RBM24: variants seen among roughly 807,000 people sequenced by gnomAD.
The protein encoded by RBM24 is RNA binding motif protein 24.
Under a neutral mutation model 23.6 loss-of-function variants are expected in RBM24, and 5 were observed. The ratio of observed to expected loss-of-function variants is 0.21; its 90% CI spans 0.11 to 0.45. The LOEUF (loss-of-function observed/expected upper bound fraction) is 0.45, where lower values mean the gene tolerates loss of function less well. Among genes scored for constraint, RBM24 ranks in the 20% least tolerant of loss-of-function variants. The probability of loss-of-function intolerance (pLI) is 0.99; values close to 1 mark genes in which losing one functional copy is unlikely to be tolerated. For missense variants in RBM24, 252 were observed against 314.6 expected, an observed-to-expected ratio of 0.80 and a Z score of 1.51; for synonymous variants, 151 against 129.5, an observed-to-expected ratio of 1.17 and a Z score of -1.13.
Position 17,290,955 on chromosome 6 carries a change from A to G in RBM24, c.348-801A>G, listed in dbSNP as rs1046677856. ...GGGAAAAAAAAGAGAAAGAAAGAAA[A>G]TAAGTGTGCTGCACATCTCTTTGGG... On this transcript the variant is annotated intron_variant, in intron 3 of 3. Transcript: ENST00000379052. 6 of 1,041,124 alleles carry G rather than the reference A, an allele frequency of 5.8e-6. No homozygotes were observed. In the African/African-American group the frequency reaches 8.2e-5, roughly 14 times the overall value. 64.5% of individuals were successfully genotyped at this position (1,041,124 alleles called of 1,614,324 possible).
chr6:17,291,876 A>G lies in RBM24; in HGVS notation c.468A>G (p.Ala156=), dbSNP rs757039823. 36 of 1,614,026 alleles carry G rather than the reference A, an allele frequency of 2.2e-5. No individual in the cohort carries two copies. The highest frequency in any genetic ancestry group is 2.9e-5 in the Non-Finnish European group (34 of 1,180,006). ...CTTACATTGATTACACTGGAGCTGC[A>G]TACGCACAATACTCAGCAGCTGCTG... is the stretch of plus-strand genomic sequence containing the variant. The part of the protein sequence containing the change: ...TTPYIDYTGA[A]YAQYSAAAAA... Residue 156 remains alanine (A), a synonymous_variant, in exon 4 of 4, where the codon GCA becomes GCG. Coordinates refer to ENST00000379052, the MANE Select transcript of RBM24 (RefSeq NM_001143942.2).
chr6:17,281,983 G>A lies in RBM24; in HGVS notation c.168+234G>A. 1 of 1,369,564 alleles carries A rather than the reference G, an allele frequency of 7.3e-7. No individual in the cohort carries two copies. Among genetic ancestry groups the A allele is most frequent in the Non-Finnish European group, 9.5e-7 (1 of 1,054,734 alleles). 84.8% of individuals were successfully genotyped at this position (1,369,564 alleles called of 1,614,324 possible). A position where few individuals can be genotyped will look rare whatever the true frequency, so the allele number is the denominator to read the frequency against. On this transcript the variant is annotated intron_variant, in intron 1 of 3. Transcript: ENST00000379052. This position sits in a 1 kb window ranked among gnomAD's most constrained non-coding sequence, Gnocchi z 7.1. ...GCGAGGTCGGGGGCCGGGCAGGGCA[G>A]AGCAGGGGTGAAAGGAGAGACCTGT...
intron 2 of RBM24, among the ~76,000 whole-genome samples, chr6:17,284,076 A>G (rs1760118484): frequency 1.3e-5 from 2 of 152,198 alleles, no homozygotes; most frequent in Admixed American, 6.5e-5. Flanking sequence ...GAAGAGGTTG[A>G]CACTTCCATC....
rs1393651014 is a variant in RBM24, at chr6:17,281,730, A to G, written c.149A>G (p.Lys50Arg). 3 of 1,550,870 alleles carry G rather than the reference A, an allele frequency of 1.9e-6. No homozygotes were observed. Among genetic ancestry groups the G allele is most frequent in the African/African-American group, 1.4e-5 (1 of 73,030 alleles). Residue 50 changes from lysine (K) to arginine (R), a missense_variant, in exon 1 of 4, where the codon AAG becomes AGG. Lys to Arg is a conservative substitution (Grantham distance 26). Transcript: ENST00000379052. The surrounding 1 kb of genome is among the most constrained non-coding windows in gnomAD (Gnocchi z 7.1). Reference protein sequence around the residue: ...AVVITDRQTGKSRGYGFVTMA... With the variant: ...AVVITDRQTGRSRGYGFVTMA... The stretch of plus-strand genomic sequence containing the variant: ...GTCATCACCGACCGGCAGACGGGCA[A>G]GTCCCGGGGCTATGGATTTGTAAGT...
chr6:17,286,312 G>A (rs1019174646), intron 3 of RBM24, among the ~76,000 whole-genome samples: 1 of 151,612 alleles, frequency 6.6e-6, no homozygotes, highest in African/African-American at 2.4e-5. Flanking sequence ...GAAAACAAGT[G>A]GTGGGTTGAT....
Position 17,281,862 on chromosome 6 carries a change from A to G in RBM24, c.168+113A>G. ...GACCCGTGAGGAGCCCCGCGGGTAG[A>G]GCGGCGCTGCCCCTTCGCTCCGGGG... On this transcript the variant is annotated intron_variant, in intron 1 of 3. Coordinates refer to ENST00000379052, the MANE Select transcript of RBM24 (RefSeq NM_001143942.2). The surrounding 1 kb of genome is among the most constrained non-coding windows in gnomAD (Gnocchi z 7.1). The G allele has an allele frequency of 7.1e-7, 1 of 1,404,954 alleles. No homozygotes were observed. Among genetic ancestry groups the G allele is most frequent in the South Asian group, 1.3e-5 (1 of 78,668 alleles). The allele number at this position is 1,404,954 out of a possible 1,614,324, so 87.0% of individuals were successfully genotyped here. A position where few individuals can be genotyped will look rare whatever the true frequency, so the allele number is the denominator to read the frequency against.
At chr6:17,282,364 G>A (rs1428213571) in intron 1 of RBM24, 1 of 797,244 alleles carries the variant, frequency 1.3e-6, no homozygotes, top group East Asian at 6.2e-5. Flanking sequence ...ATTGTCGTTG[G>A]GGAGTGTTTT....
Position 17,292,035 on chromosome 6 carries a change from TGCC to T in RBM24, c.636_638del (p.Ala221del). 4 of 1,598,422 alleles carry T rather than the reference TGCC, an allele frequency of 2.5e-6. No homozygotes were observed. The East Asian group carries it at 6.7e-5, about 27-fold the overall frequency. ...TCACCGCAGCGGCACCTGGGACAGC[TGCC>T]GCCGCCGCTGCAGCAGCTGCTGCCG... On this transcript the variant is annotated inframe_deletion, in exon 4 of 4. Transcript: ENST00000379052.
rs1487807686 is a variant in RBM24 at position 17,281,819 on chromosome 6, G to C, written c.168+70G>C. 2 of 1,523,644 alleles carry C rather than the reference G, an allele frequency of 1.3e-6. No homozygotes were observed. Among genetic ancestry groups the C allele is most frequent in the African/African-American group, 2.8e-5 (2 of 71,964 alleles). 94.4% of individuals were successfully genotyped at this position (1,523,644 alleles called of 1,614,324 possible). Reference sequence around the variant, plus strand: ...GCTGACCCCGGGGATCGGGAGCTTGGAGTGAGGGGCTCGGCGTGACCCGTG... The same window carrying C: ...GCTGACCCCGGGGATCGGGAGCTTGCAGTGAGGGGCTCGGCGTGACCCGTG... On this transcript the variant is annotated intron_variant, in intron 1 of 3. Coordinates refer to ENST00000379052, the MANE Select transcript of RBM24 (RefSeq NM_001143942.2). The surrounding 1 kb of genome is among the most constrained non-coding windows in gnomAD (Gnocchi z 7.1).
At chr6:17,283,706 C>CGGG (rs1760106877) in intron 2 of RBM24, among the ~76,000 whole-genome samples, 1 of 152,296 alleles carries the variant, frequency 6.6e-6, no homozygotes, top group Admixed American at 6.5e-5. Context: ...CGTGAGCCAC[C>CGGG]GCGCCTGGCC....
At position 17,281,972 on chromosome 6, in the gene RBM24, C is replaced by A. The variant is rs776094668; in HGVS notation, c.168+223C>A. ...CCCAGCGCTGTGCGAGGTCGGGGGC[C>A]GGGCAGGGCAGAGCAGGGGTGAAAG... On this transcript the variant is annotated intron_variant, in intron 1 of 3. Coordinates refer to ENST00000379052, the MANE Select transcript of RBM24 (RefSeq NM_001143942.2). This position sits in a 1 kb window ranked among gnomAD's most constrained non-coding sequence, Gnocchi z 7.1. 2.9e-6 allele frequency: 4 copies of A among 1,370,268 alleles called. No individual in the cohort carries two copies. In the South Asian group the frequency reaches 6.1e-5, roughly 21 times the overall value. The allele number at this position is 1,370,268 out of a possible 1,614,324, so 84.9% of individuals were successfully genotyped here.
rs1451737150 is a variant in RBM24, at chr6:17,290,745, T to C, written c.348-1011T>C. The C allele has an allele frequency of 5.2e-6, 4 of 762,792 alleles. No individual in the cohort carries two copies. The Admixed American group carries it at 1.1e-4, about 20-fold the overall frequency. 47.3% of individuals were successfully genotyped at this position (762,792 alleles called of 1,614,324 possible). ...AAAGTTTCCTTGTTATGTAAACCTT[T>C]TAAATTTCTATTAATTTTAGAAATA... On this transcript the variant is annotated intron_variant, in intron 3 of 3. Coordinates refer to ENST00000379052, the MANE Select transcript of RBM24 (RefSeq NM_001143942.2).
intron 3 of RBM24, chr6:17,290,761 T>G: frequency 2.4e-6 from 2 of 839,394 alleles, no homozygotes; most frequent in Non-Finnish European, 3.4e-6. Flanking sequence ...TTCTATTAAT[T>G]TTAGAAATAT....
intron 2 of RBM24, among the ~76,000 whole-genome samples, chr6:17,284,151 G>A (rs12210130): frequency 0.16 from 23,696 of 151,888 alleles, 1,873 homozygotes; most frequent in Middle Eastern, 0.27. Flanking sequence ...ATTCATGGGC[G>A]TTAAAAAAAT....
intron 3 of RBM24, chr6:17,288,266 A>C: frequency 1.0e-6 from 1 of 985,430 alleles, no homozygotes; most frequent in South Asian, 4.7e-5. Flanking sequence ...CCAGTAAGAA[A>C]GCCGATAAGC....
At chr6:17,283,059 T>G in intron 2 of RBM24, 131 bp downstream of exon 2, 1 of 657,278 alleles carries the variant, frequency 1.5e-6, no homozygotes, top group Non-Finnish European at 2.7e-6. Context: ...TGGCTTGTTA[T>G]TCTACCAAGG....
Position 17,293,599 on chromosome 6 carries a change from C to G in RBM24, c.*1480C>G, listed in dbSNP as rs1297566225. 1 of 152,536 alleles carries G rather than the reference C, an allele frequency of 6.6e-6. No individual in the cohort carries two copies. The highest frequency in any genetic ancestry group is 2.4e-5 in the African/African-American group (1 of 41,438). 9.4% of individuals were successfully genotyped at this position (152,536 alleles called of 1,614,324 possible). A position where few individuals can be genotyped will look rare whatever the true frequency, so the allele number is the denominator to read the frequency against. On this transcript the variant is annotated 3_prime_UTR_variant, in exon 4 of 4. Coordinates refer to ENST00000379052, the MANE Select transcript of RBM24 (RefSeq NM_001143942.2). ...ACATTTTTCTTCTGAAACTGCAATA[C>G]TTGCAATTTTTATTCTTAAACTAAA... is the stretch of plus-strand genomic sequence containing the variant.
chr6:17,288,656 A>G (rs1760266871), intron 3 of RBM24: 2 of 984,226 alleles, frequency 2.0e-6, no homozygotes, highest in Middle Eastern at 5.2e-4. Flanking sequence ...CAGCAGGTAG[A>G]GACAGTGTGA....
intron 2 of RBM24, among the ~76,000 whole-genome samples, chr6:17,283,347 G>T (rs1270362126): frequency 6.6e-6 from 1 of 152,182 alleles, no homozygotes; most frequent in East Asian, 1.9e-4. Flanking sequence ...ACTGTGCTCA[G>T]AGCAGGCAGT....
Sources: gnomAD v4.1 joint callset for allele counts (sites outside exome capture counted in the v4.1 genomes callset) on GRCh38, gnomAD v4.1.1 for gene constraint, Gnocchi (gnomAD v3.1) non-coding constraint, MANE v1.5 for transcripts, NCBI Gene and HGNC (gene_info 2026-07-23, HGNC 2026-07-21) for gene names.